Variants in HTR4 observed in about 807,000 individuals in gnomAD.
The protein encoded by HTR4 is 5-hydroxytryptamine receptor 4.
Under a neutral mutation model 36.8 loss-of-function variants are expected in HTR4, and 16 were observed. The observed-to-expected ratio is 0.43, with a 90% CI of 0.29 to 0.66. The LOEUF (loss-of-function observed/expected upper bound fraction) is 0.66. Ranked by LOEUF, HTR4 falls within the 30% of genes least tolerant of loss-of-function variation. HTR4 has a pLI of 0.13. For synonymous variants in HTR4, 189 were observed against 185.1 expected, an observed-to-expected ratio of 1.02 and a Z score of -0.17; for missense variants, 438 against 490.9, an observed-to-expected ratio of 0.89 and a Z score of 1.02.
At chr5:148,583,788 G>A (rs1027888968) in intron 2 of HTR4, among the ~76,000 whole-genome samples, 3 of 152,090 alleles carry the variant, frequency 2.0e-5, no homozygotes, top group Non-Finnish European at 2.9e-5. Flanking sequence ...GGGAGCTCCT[G>A]TTCCCTGGGA....
At chr5:148,602,635 A>C (rs1232659507) in intron 2 of HTR4, among the ~76,000 whole-genome samples, 3 of 152,180 alleles carry the variant, frequency 2.0e-5, no homozygotes, top group Non-Finnish European at 4.4e-5. Context: ...AATGAAGGAA[A>C]TAGAAAAGGC....
chr5:148,455,904 T>C (rs966975349), intron 5 of HTR4, among the ~76,000 whole-genome samples: 16 of 152,168 alleles, frequency 1.1e-4, no homozygotes, highest in Admixed American at 7.9e-4. Flanking sequence ...CCTCAGCATC[T>C]TCACACTGAG....
At chr5:148,481,203 AAATGGTGCTTGCCTCCT>A (rs1755867475), downstream of HTR4, among the ~76,000 whole-genome samples, 1 of 152,132 alleles carries the variant, frequency 6.6e-6, no homozygotes, top group Non-Finnish European at 1.5e-5. Flanking sequence ...AAGCACCTCA[AAATGGTGCTTGCCTCCT>A]AATGGTGGTT....
chr5:148,477,903 CCT>C (rs764213156), downstream of HTR4, among the ~76,000 whole-genome samples: 21 of 152,172 alleles, frequency 1.4e-4, no homozygotes, highest in Non-Finnish European at 2.4e-4. Flanking sequence ...ATGCTTGTCC[CCT>C]GTCACAGAGC....
At chr5:148,653,749 C>G (rs984492704) in intron 1 of HTR4, among the ~76,000 whole-genome samples, 2 of 152,200 alleles carry the variant, frequency 1.3e-5, no homozygotes, top group Non-Finnish European at 2.9e-5. Context: ...CGCACACACA[C>G]AAATCTTTAC....
intron 2 of HTR4, among the ~76,000 whole-genome samples, chr5:148,626,394 A>G (rs146139398): frequency 1.6e-4 from 25 of 152,328 alleles, no homozygotes; most frequent in African/African-American, 5.3e-4. Context: ...CACTAACTCA[A>G]TGCACTATTT....
chr5:148,627,978 G>C (rs540961051), intron 2 of HTR4, among the ~76,000 whole-genome samples: 23 of 152,342 alleles, frequency 1.5e-4, no homozygotes, highest in African/African-American at 4.6e-4. Flanking sequence ...ACAACTGTAC[G>C]CTGTGGCTAT....
chr5:148,484,298 C>T, intron 6 of HTR4: 5 of 1,613,646 alleles, frequency 3.1e-6, no homozygotes, highest in South Asian at 1.1e-5. Flanking sequence ...ATCTAATGCT[C>T]AATGTGCCTG....
intron 1 of HTR4, among the ~76,000 whole-genome samples, chr5:148,650,748 A>G (rs914783519): frequency 6.6e-6 from 1 of 152,300 alleles, no homozygotes; most frequent in South Asian, 2.1e-4. Flanking sequence ...TTCACTCTGC[A>G]TATGCCTTTG....
chr5:148,609,721 A>G (rs1252868696), intron 2 of HTR4, among the ~76,000 whole-genome samples: 1 of 151,616 alleles, frequency 6.6e-6, no homozygotes, highest in African/African-American at 2.4e-5. Context: ...GCCCACCACC[A>G]TGCCCGGCTA....
In HTR4 at chr5:148,453,982, T is replaced by G. The variant is rs571720853; in HGVS notation, c.1077-2710A>C. Among the ~76,000 whole-genome samples the G allele has an allele frequency of 2.0e-4, 31 of 152,286 alleles. 1 individual carries two copies. Among genetic ancestry groups the G allele is most frequent in the Admixed American group, 1.9e-3 (29 of 15,304 alleles). On this transcript the variant is annotated intron_variant, in intron 5 of 5. Coordinates refer to the HTR4 transcript ENST00000521530. ...TCCCAGTAGCCATTGTCTGATGTATTTAATTCTGCAAAAGGTTTAGCCTTC... is the reference window on the plus strand; with the variant it reads ...TCCCAGTAGCCATTGTCTGATGTATGTAATTCTGCAAAAGGTTTAGCCTTC...
intron 5 of HTR4, among the ~76,000 whole-genome samples, chr5:148,522,041 A>G (rs1016754128): frequency 2.6e-5 from 4 of 152,052 alleles, no homozygotes; most frequent in Non-Finnish European, 5.9e-5. Flanking sequence ...GGTTTCCCCC[A>G]TACTTTTCTC....
At chr5:148,549,190 T>C (rs1296238381) in intron 3 of HTR4, among the ~76,000 whole-genome samples, 1 of 152,114 alleles carries the variant, frequency 6.6e-6, no homozygotes, top group Admixed American at 6.6e-5. Flanking sequence ...ATAGGTCCCT[T>C]TTGAGGGCCA....
At chr5:148,564,629 T>C (rs770728358) in intron 2 of HTR4, among the ~76,000 whole-genome samples, 3 of 152,154 alleles carry the variant, frequency 2.0e-5, no homozygotes, top group Non-Finnish European at 4.4e-5. Flanking sequence ...CCCAGACAAG[T>C]GCATTTGGGC....
intron 6 of HTR4, among the ~76,000 whole-genome samples, chr5:148,488,599 TA>T (rs928970352): frequency 3.3e-5 from 5 of 151,488 alleles, no homozygotes; most frequent in South Asian, 2.1e-4. Flanking sequence ...GGTGATATGA[TA>T]AAAAAAAATC....
intron 6 of HTR4, among the ~76,000 whole-genome samples, chr5:148,501,954 G>C (rs1453395609): frequency 6.6e-6 from 1 of 152,032 alleles, no homozygotes; most frequent in Non-Finnish European, 1.5e-5. Context: ...CAGCTACTGG[G>C]GAGGATGAGG....
intron 5 of HTR4, among the ~76,000 whole-genome samples, chr5:148,457,907 A>C (rs1013284963): frequency 7.3e-6 from 1 of 137,114 alleles, no homozygotes; most frequent in East Asian, 2.1e-4. Context: ...ATTTTAATAT[A>C]TATTTAATAT....
chr5:148,476,538 T>C, downstream of HTR4: 25 of 1,387,986 alleles, frequency 1.8e-5, no homozygotes, highest in South Asian at 3.2e-4. Context: ...GGAGTACTAA[T>C]GGCAGAGCAG....
intron 2 of HTR4, among the ~76,000 whole-genome samples, chr5:148,596,919 C>A (rs1761801131): frequency 6.6e-6 from 1 of 152,106 alleles, no homozygotes; most frequent in Non-Finnish European, 1.5e-5. Context: ...ATGAAATAAG[C>A]CAGATCAAGT....
Sources: gnomAD v4.1 joint callset for allele counts (sites outside exome capture counted in the v4.1 genomes callset) on GRCh38, gnomAD v4.1.1 for gene constraint, MANE v1.5 for transcripts, NCBI Gene and HGNC (gene_info 2026-07-23, HGNC 2026-07-21) for gene names.